LINGO1: variants seen among roughly 807,000 people sequenced by gnomAD.
The protein encoded by LINGO1 is leucine-rich repeat and immunoglobulin-like domain-containing nogo receptor-interacting protein 1.
In LINGO1, 11 loss-of-function variants were observed where a neutral mutation model predicts 37.3. That is an observed-to-expected ratio of 0.29 (90% CI 0.19 to 0.49). The LOEUF is 0.49. LINGO1 is among the 20% of genes least tolerant of loss of function. The pLI is 0.99. For synonymous variants in LINGO1, 387 were observed against 403.0 expected, an observed-to-expected ratio of 0.96 and a Z score of 0.48; for missense variants, 585 against 878.2, an observed-to-expected ratio of 0.67 and a Z score of 4.22.
At chr15:77,793,413 C>A (rs941277783) in intron 2 of LINGO1, among the ~76,000 whole-genome samples, 4 of 152,180 alleles carry the variant, frequency 2.6e-5, no homozygotes, top group Non-Finnish European at 5.9e-5. Flanking sequence ...TAGAGCTTTG[C>A]TGAGTGAAGC....
At chr15:77,638,794 CA>C (rs2074444454), upstream of LINGO1, among the ~76,000 whole-genome samples, 1 of 152,188 alleles carries the variant, frequency 6.6e-6, no homozygotes, top group Non-Finnish European at 1.5e-5. Context: ...CAGTGATAGG[CA>C]GCCCCTAAGA....
At chr15:77,716,460 G>C (rs1209911662) in intron 2 of LINGO1, among the ~76,000 whole-genome samples, 1 of 149,018 alleles carries the variant, frequency 6.7e-6, no homozygotes, top group Admixed American at 6.8e-5. Context: ...CCTCTCACTA[G>C]TCCTGCAGGG....
chr15:77,712,052 G>A (rs535076510), intron 2 of LINGO1, among the ~76,000 whole-genome samples: 3 of 152,142 alleles, frequency 2.0e-5, no homozygotes, highest in East Asian at 3.9e-4. Context: ...CTCTGCCTTC[G>A]AACTTCCTGG....
At chr15:77,765,145 T>C (rs1050066348) in intron 1 of LINGO1, among the ~76,000 whole-genome samples, 8 of 152,180 alleles carry the variant, frequency 5.3e-5, no homozygotes, top group Non-Finnish European at 1.0e-4. Context: ...CCTGGCATGG[T>C]GGCTCATGCC....
At chr15:77,658,307 T>C (rs1039273393) in intron 3 of LINGO1, among the ~76,000 whole-genome samples, 3 of 152,280 alleles carry the variant, frequency 2.0e-5, no homozygotes, top group Non-Finnish European at 4.4e-5. Flanking sequence ...ACCCTTGTAG[T>C]ACAGATGGGA....
intron 2 of LINGO1, among the ~76,000 whole-genome samples, chr15:77,711,939 G>A (rs2075923047): frequency 6.6e-6 from 1 of 152,164 alleles, no homozygotes; most frequent in South Asian, 2.1e-4. Flanking sequence ...AGGGCAGGCT[G>A]ATGTGCTCCC....
At position 77,708,495 on chromosome 15, in the gene LINGO1, T is replaced by C. The variant is rs967746069; in HGVS notation, c.-194-17594A>G. Among the ~76,000 whole-genome samples, 21 of 152,348 alleles carry C rather than the reference T, an allele frequency of 1.4e-4. No individual in the cohort carries two copies. The South Asian group carries it at 3.9e-3, about 29-fold the overall frequency. ...GTGTCCCCCCAAATTCATGTCCATC[T>C]GGAACCTCAGAATGTGACCTTATTT... is the stretch of plus-strand genomic sequence containing the variant. On this transcript the variant is annotated intron_variant, in intron 2 of 3. Transcript: ENST00000561686.
intron 1 of LINGO1, among the ~76,000 whole-genome samples, chr15:77,773,945 C>G (rs535169875): frequency 1.3e-5 from 2 of 152,096 alleles, no homozygotes; most frequent in African/African-American, 4.8e-5. Context: ...TCTCCTCAGT[C>G]CCACACCACC....
At chr15:77,645,210 T>C (rs9806280) in intron 3 of LINGO1, among the ~76,000 whole-genome samples, 30,583 of 152,026 alleles carry the variant, frequency 0.2, 6,585 homozygotes, top group African/African-American at 0.55. Context: ...GCAGTGCCCA[T>C]CCATTCCCAA....
intron 1 of LINGO1, among the ~76,000 whole-genome samples, chr15:77,796,860 G>A (rs1440443852): frequency 6.6e-6 from 1 of 152,142 alleles, no homozygotes; most frequent in Non-Finnish European, 1.5e-5. Flanking sequence ...ACAGTTGTGT[G>A]TATCACCACA....
intron 1 of LINGO1, among the ~76,000 whole-genome samples, chr15:77,750,900 G>A (rs2076364469): frequency 6.6e-6 from 1 of 152,204 alleles, no homozygotes; most frequent in Admixed American, 6.5e-5. Flanking sequence ...CTCTGCCTGT[G>A]AAGCCTACAC....
intron 2 of LINGO1, among the ~76,000 whole-genome samples, chr15:77,732,588 G>C (rs558353220): frequency 6.6e-6 from 1 of 152,342 alleles, no homozygotes; most frequent in Non-Finnish European, 1.5e-5. Context: ...GTGGACTGAG[G>C]TCCCTTCTGG....
intron 2 of LINGO1, among the ~76,000 whole-genome samples, chr15:77,710,451 T>C (rs1056394251): frequency 6.6e-6 from 1 of 152,190 alleles, no homozygotes; most frequent in African/African-American, 2.4e-5. Context: ...GCTTTGAACA[T>C]AGAGACATCA....
At chr15:77,782,087 G>A (rs1420708500) in intron 1 of LINGO1, among the ~76,000 whole-genome samples, 1 of 152,204 alleles carries the variant, frequency 6.6e-6, no homozygotes, top group Non-Finnish European at 1.5e-5. Flanking sequence ...ATTTGCTCCT[G>A]GGGAAAATTA....
At chr15:77,759,364 G>C (rs28634734) in intron 1 of LINGO1, among the ~76,000 whole-genome samples, 4,969 of 152,278 alleles carry the variant, frequency 0.033, 266 homozygotes, top group African/African-American at 0.11. Flanking sequence ...CAGCTGGGAG[G>C]GAGGCCAGGG....
chr15:77,689,288 G>C (rs992574169), intron 2 of LINGO1, among the ~76,000 whole-genome samples: 2 of 150,636 alleles, frequency 1.3e-5, no homozygotes, highest in African/African-American at 5.0e-5. Context: ...TATGGTAGGA[G>C]GCACCGGGGG....
At chr15:77,662,678 T>C (rs549438886) in intron 3 of LINGO1, among the ~76,000 whole-genome samples, 2 of 152,126 alleles carry the variant, frequency 1.3e-5, no homozygotes, top group Non-Finnish European at 2.9e-5. Context: ...GACCTAAAAA[T>C]CAATCCTTTT....
At chr15:77,639,530 G>T (rs2074458259) in intron 3 of LINGO1, among the ~76,000 whole-genome samples, 1 of 151,880 alleles carries the variant, frequency 6.6e-6, no homozygotes, top group Non-Finnish European at 1.5e-5. Flanking sequence ...AGAGGAGCGC[G>T]CATGGCAGGA....
intron 1 of LINGO1, among the ~76,000 whole-genome samples, chr15:77,617,739 G>C (rs918853685): frequency 5.3e-5 from 8 of 152,366 alleles, no homozygotes; most frequent in Middle Eastern, 3.4e-3. Flanking sequence ...TTCTGGGATA[G>C]GAGCTCTGGT....
Sources: gnomAD v4.1 joint callset for allele counts (sites outside exome capture counted in the v4.1 genomes callset) on GRCh38, gnomAD v4.1.1 for gene constraint, MANE v1.5 for transcripts, NCBI Gene and HGNC (gene_info 2026-07-23, HGNC 2026-07-21) for gene names.